TOPAZ1: variants seen among roughly 807,000 people sequenced by gnomAD.
The protein encoded by TOPAZ1 is testis and ovary specific TOPAZ 1.
In TOPAZ1, 66 loss-of-function variants were observed where a neutral mutation model predicts 172.2. The ratio of observed to expected loss-of-function variants is 0.38; its 90% CI spans 0.31 to 0.47. The LOEUF (loss-of-function observed/expected upper bound fraction) is 0.47. Among genes scored for constraint, TOPAZ1 ranks in the 20% least tolerant of loss-of-function variants. The pLI, the probability that TOPAZ1 is intolerant of heterozygous loss-of-function variation, is 0.99. For synonymous variants in TOPAZ1, 681 were observed against 683.9 expected, an observed-to-expected ratio of 1.00 and a Z score of 0.07; for missense variants, 1,822 against 1,972.4, an observed-to-expected ratio of 0.92 and a Z score of 1.44.
chr3:44,310,604 A>G (rs1300460126), intron 16 of TOPAZ1, among the ~76,000 whole-genome samples: 1 of 152,220 alleles, frequency 6.6e-6, no homozygotes, highest in Non-Finnish European at 1.5e-5. Context: ...ATTTGGAACT[A>G]TTAAAATCCC....
At chr3:44,282,086 GTT>G (rs1290191396) in intron 9 of TOPAZ1, 55 bp downstream of exon 9, 1 of 1,192,724 alleles carries the variant, frequency 8.4e-7, no homozygotes, top group East Asian at 2.6e-5. Context: ...TTTGAAAATA[GTT>G]TAAAAGTAAA....
intron 15 of TOPAZ1, among the ~76,000 whole-genome samples, chr3:44,307,746 A>G (rs559686754): frequency 6.6e-6 from 1 of 152,226 alleles, no homozygotes; most frequent in African/African-American, 2.4e-5. Flanking sequence ...GTATACCTAC[A>G]AAATTCACGA....
In TOPAZ1 at chr3:44,256,389, A is replaced by T; in HGVS notation, c.2955+111A>T. The T allele has an allele frequency of 3.0e-6, 3 of 994,170 alleles. No individual in the cohort carries two copies. The South Asian group carries it at 5.5e-5, about 18-fold the overall frequency. The allele number at this position is 994,170 out of a possible 1,614,324, so 61.6% of individuals were successfully genotyped here. On this transcript the variant is annotated intron_variant, in intron 4 of 19. Transcript: ENST00000309765. ...GCAAGTGTAACTCCCTTTATTGAAT[A>T]AAAGAATCACGTCACTCTAGCCATG...
intron 8 of TOPAZ1, among the ~76,000 whole-genome samples, chr3:44,274,034 C>A (rs1699925326): frequency 6.6e-6 from 1 of 151,820 alleles, no homozygotes; most frequent in Non-Finnish European, 1.5e-5. Context: ...AATCCCTGCA[C>A]TTTGGGAGGC....
intron 8 of TOPAZ1, 111 bp downstream of exon 8, chr3:44,270,921 G>C: frequency 2.0e-6 from 2 of 981,440 alleles, no homozygotes; most frequent in African/African-American, 1.7e-5. Flanking sequence ...AGTTTTGCCT[G>C]CTTTTGTTCT....
At chr3:44,322,982 A>G (rs1435365090) in intron 17 of TOPAZ1, 110 bp from the exon 18 acceptor site, 1 of 661,146 alleles carries the variant, frequency 1.5e-6, no homozygotes, top group Admixed American at 3.2e-5. Flanking sequence ...TGTGAGTCCT[A>G]TAATGGGTAA....
chr3:44,320,628 A>G (rs972956253), intron 16 of TOPAZ1, among the ~76,000 whole-genome samples: 11 of 152,250 alleles, frequency 7.2e-5, no homozygotes, highest in African/African-American at 2.6e-4. Context: ...AAGAAAAGCT[A>G]TTCCCCAGTA....
intron 4 of TOPAZ1, among the ~76,000 whole-genome samples, chr3:44,260,169 CAATT>C (rs544216360): frequency 6.6e-6 from 1 of 152,200 alleles, no homozygotes; most frequent in Non-Finnish European, 1.5e-5. Context: ...AACTGCGAGT[CAATT>C]AAACCTCTTT....
chr3:44,328,173 G>A (rs986203893), intron 18 of TOPAZ1, 77 bp from the exon 19 acceptor site: 33 of 829,210 alleles, frequency 4.0e-5, no homozygotes, highest in South Asian at 2.8e-4. Flanking sequence ...AGTAATTATC[G>A]CCTGTAGGTA....
At chr3:44,324,177 T>C (rs781756306) in intron 18 of TOPAZ1, among the ~76,000 whole-genome samples, 1 of 152,210 alleles carries the variant, frequency 6.6e-6, no homozygotes, top group African/African-American at 2.4e-5. Context: ...AATTATTTGA[T>C]AAAATTTTCA....
At position 44,287,498 on chromosome 3, in the gene TOPAZ1, A is replaced by C; in HGVS notation, c.3546A>C (p.Glu1182Asp). ...TACTCAAACATTGTTTGTTGAAAGA[A>C]GTATTTCAGATAGTGAACCTCAGCA... Reference protein sequence around the residue: ...NSLLKHCLLKEVFQIVNLSIM... With the variant: ...NSLLKHCLLKDVFQIVNLSIM... The change falls in exon 10 of 20, where the codon GAA becomes GAC. Residue 1182 changes from glutamate (E) to aspartate (D), a missense_variant. Physicochemically the swap from Glu to Asp is conservative, Grantham distance 45 (BLOSUM62 2). This residue lies in a region of TOPAZ1 where 1,489 missense variants were observed against 1,490.8 expected (regional missense o/e 1.00). Transcript: ENST00000309765. 1 of 1,527,622 alleles carries C rather than the reference A, an allele frequency of 6.5e-7. No individual in the cohort carries two copies. The highest frequency in any genetic ancestry group is 8.8e-7 in the Non-Finnish European group (1 of 1,136,720). The allele number at this position is 1,527,622 out of a possible 1,614,324, so 94.6% of individuals were successfully genotyped here.
chr3:44,303,503 G>A (rs1172948297), intron 12 of TOPAZ1, among the ~76,000 whole-genome samples: 2 of 45,002 alleles, frequency 4.4e-5, no homozygotes, highest in South Asian at 6.3e-4. Context: ...TTTTTTTTTA[G>A]CATTTTCAAA....
chr3:44,304,760 G>A (rs779777582), intron 13 of TOPAZ1, among the ~76,000 whole-genome samples: 10 of 152,196 alleles, frequency 6.6e-5, no homozygotes, highest in Non-Finnish European at 1.0e-4. Flanking sequence ...ACATTAAAAT[G>A]TACTTTCTAA....
At chr3:44,326,130 A>G (rs1700598405) in intron 18 of TOPAZ1, among the ~76,000 whole-genome samples, 1 of 152,228 alleles carries the variant, frequency 6.6e-6, no homozygotes, top group Non-Finnish European at 1.5e-5. Context: ...GAATATTCAC[A>G]TAAGTTTTTA....
At chr3:44,259,858 A>T (rs916524840) in intron 4 of TOPAZ1, among the ~76,000 whole-genome samples, 1 of 152,162 alleles carries the variant, frequency 6.6e-6, no homozygotes, top group Non-Finnish European at 1.5e-5. Context: ...ATTGTTTTCT[A>T]TGAACTTGCT....
At chr3:44,276,337 A>C (rs550963882) in intron 8 of TOPAZ1, among the ~76,000 whole-genome samples, 1 of 151,976 alleles carries the variant, frequency 6.6e-6, no homozygotes, top group South Asian at 2.1e-4. Flanking sequence ...ATCCATCTTG[A>C]GTTGATTTTG....
chr3:44,335,712 A>G (rs1208102026), downstream of TOPAZ1, among the ~76,000 whole-genome samples: 1 of 152,214 alleles, frequency 6.6e-6, no homozygotes, highest in Non-Finnish European at 1.5e-5. Context: ...TCATGTACAT[A>G]GAAAAAGGCT....
In TOPAZ1 at chr3:44,243,148, G is replaced by T. The variant is rs570005183; in HGVS notation, c.642G>T (p.Leu214Phe). 2 of 1,549,586 alleles carry T rather than the reference G, an allele frequency of 1.3e-6. No homozygotes were observed. The highest frequency in any genetic ancestry group is 2.4e-5 in the South Asian group (2 of 83,412). Residue 214 changes from leucine (L) to phenylalanine (F), a missense_variant, in exon 2 of 20, where the codon TTG (leucine) becomes TTT (phenylalanine). This residue lies in a region of TOPAZ1 where 1,489 missense variants were observed against 1,490.8 expected (regional missense o/e 1.00). Transcript: ENST00000309765. ...CTCCAAAATATTCTTGTAATATCTT[G>T]TCACCTGAAGTAGAAAATAATTCCG... ...KNTPKYSCNI[L>F]SPEVENNSVL...
At chr3:44,320,530 G>A (rs139770378) in intron 16 of TOPAZ1, among the ~76,000 whole-genome samples, 91 of 152,208 alleles carry the variant, frequency 6.0e-4, no homozygotes, top group African/African-American at 2.0e-3. Context: ...CCCGGGAGGC[G>A]GAGGTTGCAG....
Sources: gnomAD v4.1 joint callset for allele counts (sites outside exome capture counted in the v4.1 genomes callset) on GRCh38, gnomAD v4.1.1 for gene constraint, gnomAD v4.1.1 regional missense constraint, MANE v1.5 for transcripts, NCBI Gene and HGNC (gene_info 2026-07-23, HGNC 2026-07-21) for gene names.